NEDD4: variants seen among roughly 807,000 people sequenced by gnomAD.
NEDD4 encodes the protein E3 ubiquitin-protein ligase NEDD4.
NEDD4 carries 99 observed loss-of-function variants against 144.9 expected under a neutral mutation model. The observed-to-expected ratio is 0.68, with a 90% CI of 0.58 to 0.81. NEDD4 has a LOEUF of 0.81. Ranked by LOEUF, NEDD4 falls within the 30% of genes least tolerant of loss-of-function variation. The probability of loss-of-function intolerance (pLI) is 0.00; values close to 1 mark genes in which losing one functional copy is unlikely to be tolerated. For missense variants in NEDD4, 985 were observed against 1,065.9 expected (o/e 0.92, Z 1.06); for synonymous variants, 318 against 350.6 (o/e 0.91, Z 1.04).
At position 55,860,650 on chromosome 15, in the gene NEDD4, A is replaced by T; in HGVS notation, c.792+11T>A. 6.2e-7 allele frequency: 1 copy of T among 1,602,602 alleles called. No individual in the cohort carries two copies. Among genetic ancestry groups the T allele is most frequent in the Non-Finnish European group, 8.5e-7 (1 of 1,179,470 alleles). On this transcript the variant is annotated intron_variant, in intron 10 of 28. Coordinates refer to ENST00000435532, the MANE Select transcript of NEDD4 (RefSeq NM_006154.4). ...TGTGTCTTTCAAGGAGAACTAGGAA[A>T]CTACTTATACCTCGGAAGACTCTCG...
Position 55,872,420 on chromosome 15 carries a change from TG to T in NEDD4, c.398del (p.Pro133GlnfsTer12). 1 of 1,446,548 alleles carries T rather than the reference TG, an allele frequency of 6.9e-7. No homozygotes were observed. The allele number at this position is 1,446,548 out of a possible 1,614,324, so 89.6% of individuals were successfully genotyped here. A position where few individuals can be genotyped will look rare whatever the true frequency, so the allele number is the denominator to read the frequency against. On this transcript the variant is annotated frameshift_variant, in exon 7 of 29. Coordinates refer to ENST00000435532, the MANE Select transcript of NEDD4 (RefSeq NM_006154.4). LOFTEE classifies it high-confidence loss of function. ...PYTFKDFVLH[P>X]RSHKSRVKGY... is the part of the protein sequence containing the mutation. ...ATTATTTTATATTTACTGACCTTCT[TG>T]GATGAAGAACAAAATCCTTAAATGT... is the stretch of plus-strand genomic sequence containing the variant.
At chr15:55,925,986 ATATG>A (rs2036655809) in intron 4 of NEDD4, among the ~76,000 whole-genome samples, 1 of 152,002 alleles carries the variant, frequency 6.6e-6, no homozygotes, top group Admixed American at 6.6e-5. Context: ...ATACATATAC[ATATG>A]TATCATATAC....
At chr15:55,903,805 A>C (rs2035990860) in intron 5 of NEDD4, among the ~76,000 whole-genome samples, 1 of 140,394 alleles carries the variant, frequency 7.1e-6, no homozygotes, top group Non-Finnish European at 1.5e-5. Flanking sequence ...AGCCTGGGTG[A>C]CAGAGTGAGA....
At chr15:55,921,380 A>G (rs1157845716) in intron 5 of NEDD4, among the ~76,000 whole-genome samples, 9 of 151,764 alleles carry the variant, frequency 5.9e-5, no homozygotes, top group Admixed American at 3.3e-4. Flanking sequence ...GCTGGAATGC[A>G]ATGGTGTGAT....
At chr15:55,886,244 T>C (rs1348125647) in intron 5 of NEDD4, among the ~76,000 whole-genome samples, 1 of 152,124 alleles carries the variant, frequency 6.6e-6, no homozygotes, top group African/African-American at 2.4e-5. Context: ...CCCAATACAA[T>C]TATAGCTTGA....
At chr15:55,904,106 G>A (rs2036007053) in intron 5 of NEDD4, among the ~76,000 whole-genome samples, 1 of 152,054 alleles carries the variant, frequency 6.6e-6, no homozygotes, top group South Asian at 2.1e-4. Flanking sequence ...AGGTCACAGA[G>A]AGCCGAGATT....
intron 1 of NEDD4, among the ~76,000 whole-genome samples, chr15:55,967,440 C>CTGTGTGTGTGTGTGTG (rs200788423): frequency 4.9e-5 from 7 of 142,262 alleles, no homozygotes; most frequent in Non-Finnish European, 9.1e-5. Flanking sequence ...CATAACTATG[C>CTGTGTGTGTGTGTGTG]TGTGTGTGTG....
intron 2 of NEDD4, among the ~76,000 whole-genome samples, chr15:55,959,427 A>G (rs1270543158): frequency 6.6e-6 from 1 of 152,192 alleles, no homozygotes; most frequent in African/African-American, 2.4e-5. Flanking sequence ...CACATGGTCT[A>G]TCTTGATTAA....
intron 11 of NEDD4, among the ~76,000 whole-genome samples, chr15:55,856,799 T>G (rs1849946481): frequency 1.3e-5 from 2 of 152,238 alleles, no homozygotes. Flanking sequence ...TCTCATGTTC[T>G]TTCTTTCCTT....
intron 24 of NEDD4, among the ~76,000 whole-genome samples, chr15:55,837,158 G>A (rs542105746): frequency 2.0e-5 from 3 of 152,186 alleles, no homozygotes; most frequent in South Asian, 2.1e-4. Context: ...GGCCGAGCAC[G>A]GTGGCTCACA....
intron 5 of NEDD4, among the ~76,000 whole-genome samples, chr15:55,907,892 T>C (rs2036151241): frequency 6.6e-6 from 1 of 152,228 alleles, no homozygotes; most frequent in East Asian, 1.9e-4. Context: ...AGTTATACGG[T>C]ACCAGTTAGT....
intron 5 of NEDD4, among the ~76,000 whole-genome samples, chr15:55,918,634 T>G (rs1392816324): frequency 6.6e-5 from 10 of 151,970 alleles, no homozygotes; most frequent in Non-Finnish European, 5.9e-5. Flanking sequence ...CAGAATTTTC[T>G]AAACAGATTT....
At chr15:55,883,229 G>A (rs918684457) in intron 5 of NEDD4, among the ~76,000 whole-genome samples, 1 of 152,142 alleles carries the variant, frequency 6.6e-6, no homozygotes, top group Non-Finnish European at 1.5e-5. Flanking sequence ...GGCCTTGAGT[G>A]AACACTGGTG....
chr15:55,891,681 G>A (rs34995202), intron 5 of NEDD4, among the ~76,000 whole-genome samples: 10,114 of 152,234 alleles, frequency 0.066, 439 homozygotes, highest in Non-Finnish European at 0.098. Context: ...AGTTTAGTCA[G>A]TAAATAATAC....
chr15:55,839,691 C>T (rs190865577), intron 21 of NEDD4, among the ~76,000 whole-genome samples: 1 of 151,746 alleles, frequency 6.6e-6, no homozygotes, highest in Admixed American at 6.6e-5. Flanking sequence ...AAATATACAC[C>T]ATTTGGCCAG....
At chr15:55,963,140 T>TA (rs202073134) in intron 2 of NEDD4, among the ~76,000 whole-genome samples, 5,950 of 151,042 alleles carry the variant, frequency 0.039, 137 homozygotes, top group Middle Eastern at 0.054. Flanking sequence ...TTTTTATTTT[T>TA]TTTTTTTTTG....
chr15:55,898,064 G>A (rs557952229), intron 5 of NEDD4, among the ~76,000 whole-genome samples: 41 of 152,268 alleles, frequency 2.7e-4, no homozygotes, highest in Non-Finnish European at 5.1e-4. Flanking sequence ...TCCATGAGAG[G>A]TGAAATCCAC....
At position 55,932,548 on chromosome 15, in the gene NEDD4, G is replaced by C. The variant is rs143537347; in HGVS notation, c.238-7849C>G. Among the ~76,000 whole-genome samples the C allele has an allele frequency of 3.7e-3, 557 of 151,946 alleles. 3 individuals carry two copies. Among genetic ancestry groups the C allele is most frequent in the African/African-American group, 0.013 (527 of 41,458 alleles). Reference sequence around the variant, plus strand: ...ATGGATTAAAGACTTAAATGTTAGAGCTAAAACCATAAAAACCCTAGAAGA... The same window carrying C: ...ATGGATTAAAGACTTAAATGTTAGACCTAAAACCATAAAAACCCTAGAAGA... On this transcript the variant is annotated intron_variant, in intron 4 of 28. Transcript: ENST00000435532.
At chr15:55,861,145 G>A (rs1333434872) in intron 9 of NEDD4, among the ~76,000 whole-genome samples, 3 of 152,118 alleles carry the variant, frequency 2.0e-5, no homozygotes, top group Admixed American at 1.3e-4. Flanking sequence ...TATTATAAGA[G>A]TAATAGAGTT....
Sources: allele counts gnomAD v4.1 joint callset (sites outside exome capture counted in the v4.1 genomes callset), GRCh38; gene constraint gnomAD v4.1.1; transcripts MANE v1.5; gene names NCBI Gene and HGNC (gene_info 2026-07-23, HGNC 2026-07-21).